MARK4: variants seen among roughly 807,000 people sequenced by gnomAD.
The protein encoded by MARK4 is microtubule affinity regulating kinase 4, also known as MAP/microtubule affinity-regulating kinase 4.
In MARK4, 19 loss-of-function variants were observed where a neutral mutation model predicts 81.5. The ratio of observed to expected loss-of-function variants is 0.23; its 90% CI spans 0.16 to 0.34. The LOEUF (loss-of-function observed/expected upper bound fraction) is 0.34, where lower values mean the gene tolerates loss of function less well. MARK4 is among the 10% of genes least tolerant of loss of function. The pLI, the probability that MARK4 is intolerant of heterozygous loss-of-function variation, is 1.00. For synonymous variants in MARK4, 436 were observed against 439.0 expected (o/e 0.99, Z 0.08); for missense variants, 772 against 1,058.8 (o/e 0.73, Z 3.76).
At chr19:45,265,069 C>T (rs1019783818) in intron 6 of MARK4, among the ~76,000 whole-genome samples, 159 bp downstream of exon 6, 1 of 152,078 alleles carries the variant, frequency 6.6e-6, no homozygotes, top group Admixed American at 6.6e-5. Context: ...CATATAGTTG[C>T]CCAGATGTGA....
chr19:45,260,570 G>A (rs2123032669), intron 2 of MARK4, among the ~76,000 whole-genome samples: 1 of 150,996 alleles, frequency 6.6e-6, no homozygotes, highest in Non-Finnish European at 1.5e-5. Context: ...GGTGGTGCGT[G>A]CCTGTAAGCC....
At position 45,304,529 on chromosome 19, in the gene MARK4, T is replaced by C. The variant is rs1971023084; in HGVS notation, c.*1819T>C. 6.6e-6 allele frequency: 1 copy of C among 152,196 alleles called. No homozygotes were observed. The highest frequency in any genetic ancestry group is 2.4e-5 in the African/African-American group (1 of 41,438). The allele number at this position is 152,196 out of a possible 1,614,324, so 9.4% of individuals were successfully genotyped here. A position where few individuals can be genotyped will look rare whatever the true frequency, so the allele number is the denominator to read the frequency against. ...GGGCCAAAATGAATAAGCTGGACTT[T>C]CTCCCCATGGCACTGGGGAACCATG... On this transcript the variant is annotated 3_prime_UTR_variant, in exon 17 of 17. Coordinates refer to ENST00000262891, the MANE Select transcript of MARK4 (RefSeq NM_001199867.2).
rs1970655878 is a variant in MARK4 at position 45,280,382 on chromosome 19, G to A, written c.1015G>A (p.Val339Met). The A allele has an allele frequency of 6.2e-7, 1 of 1,614,148 alleles. No individual in the cohort carries two copies. The part of the protein sequence containing the change: ...FGDTKRIEVM[V>M]GMGYTREEIK... ...CCATCCCCCCCTCCCAGAGGTGATG[G>A]TGGGTATGGGCTACACACGGGAAGA... The change falls in exon 11 of 17, where the codon GTG becomes ATG. Residue 339 changes from valine (V) to methionine (M), a missense_variant. Transcript: ENST00000262891.
intron 14 of MARK4, among the ~76,000 whole-genome samples, chr19:45,295,358 CA>C (rs888838866): frequency 2.5e-4 from 36 of 143,814 alleles, no homozygotes; most frequent in South Asian, 4.4e-4. Context: ...GACTCCATCT[CA>C]AAAAAAAAAA....
chr19:45,289,183 A>C (rs1233385240), intron 13 of MARK4, among the ~76,000 whole-genome samples: 1 of 151,774 alleles, frequency 6.6e-6, no homozygotes, highest in Non-Finnish European at 1.5e-5. Flanking sequence ...AGGTCAAGAG[A>C]TCGAGACCAC....
In MARK4 at chr19:45,297,908, CCCA is replaced by C; in HGVS notation, c.1838_1840del (p.Thr613del). On this transcript the variant is annotated inframe_deletion, in exon 15 of 17. Transcript: ENST00000262891. ...ACCCCTGCCCGCCGGGCGGCCCCGC[CCCA>C]CCACCAACCTCTTCACCAAGCTGAC... 6.5e-7 allele frequency: 1 copy of C among 1,550,208 alleles called. No individual in the cohort carries two copies. Among genetic ancestry groups the C allele is most frequent in the Middle Eastern group, 1.7e-4 (1 of 5,982 alleles).
intron 16 of MARK4, among the ~76,000 whole-genome samples, chr19:45,301,865 CAAAA>C (rs11309011): frequency 4.8e-5 from 6 of 124,118 alleles, no homozygotes; most frequent in Admixed American, 9.1e-5. Flanking sequence ...AACTCCGTCT[CAAAA>C]AAAAAAAAAA....
chr19:45,298,048 A>G, intron 15 of MARK4, 94 bp downstream of exon 15: 4 of 1,555,612 alleles, frequency 2.6e-6, no homozygotes, highest in Non-Finnish European at 3.5e-6. Context: ...GTACCCCAAC[A>G]TTTCCTCTTC....
chr19:45,292,790 T>C (rs1240972648), intron 13 of MARK4, among the ~76,000 whole-genome samples: 1 of 151,832 alleles, frequency 6.6e-6, no homozygotes, highest in African/African-American at 2.4e-5. Flanking sequence ...AGGATCCACT[T>C]GAGGCCAGGA....
intron 8 of MARK4, 120 bp from the exon 9 acceptor site, chr19:45,277,803 C>G (rs1970617922): frequency 1.6e-6 from 2 of 1,217,116 alleles, no homozygotes; most frequent in Admixed American, 2.9e-5. Flanking sequence ...TCACTTCTAT[C>G]AAAGGGGTTG....
chr19:45,285,261 C>CAA (rs71173139), intron 12 of MARK4, among the ~76,000 whole-genome samples: 755 of 56,660 alleles, frequency 0.013, 19 homozygotes, highest in Non-Finnish European at 0.019. Context: ...TGCCGTGTCT[C>CAA]AAAAAAAAAA....
chr19:45,277,817 C>G (rs1206032996), intron 8 of MARK4, 106 bp from the exon 9 acceptor site: 4 of 1,275,676 alleles, frequency 3.1e-6, no homozygotes, highest in African/African-American at 3.3e-5. Flanking sequence ...GGGGTTGGGA[C>G]AAAGGTTGTG....
At position 45,256,001 on chromosome 19, in the gene MARK4, A is replaced by G. The variant is rs573345606; in HGVS notation, c.52-2988A>G. ...GACAGGACAGTAGGAACAGAACATC[A>G]GGAGGAGAGAAGCCATGGTGTGGGA... On this transcript the variant is annotated intron_variant, in intron 1 of 16. Transcript: ENST00000262891. Among the ~76,000 whole-genome samples, 29 of 152,374 alleles carry G rather than the reference A, an allele frequency of 1.9e-4. 1 individual carries two copies. Among genetic ancestry groups the G allele is most frequent in the African/African-American group, 7.2e-5 (3 of 41,590 alleles).
intron 1 of MARK4, among the ~76,000 whole-genome samples, chr19:45,252,186 C>T (rs950113530): frequency 2.0e-5 from 3 of 152,044 alleles, no homozygotes. Context: ...CTGTGGGCAG[C>T]CCCTGGCAGG....
intron 10 of MARK4, among the ~76,000 whole-genome samples, chr19:45,279,744 C>T (rs1456576729): frequency 6.6e-6 from 1 of 152,150 alleles, no homozygotes; most frequent in Non-Finnish European, 1.5e-5. Context: ...CCTTCAGGCA[C>T]AGTTGTATCC....
intron 1 of MARK4, among the ~76,000 whole-genome samples, chr19:45,256,327 C>G (rs762922568): frequency 9.9e-5 from 15 of 152,180 alleles, no homozygotes; most frequent in Admixed American, 2.0e-4. Flanking sequence ...ATCCCAGCTA[C>G]TCGGGAAAGC....
At chr19:45,279,650 T>G (rs1429528389) in intron 10 of MARK4, among the ~76,000 whole-genome samples, 1 of 152,226 alleles carries the variant, frequency 6.6e-6, no homozygotes, top group Non-Finnish European at 1.5e-5. Flanking sequence ...TGGTTTAAAA[T>G]TGTCAGTACC....
Position 45,282,502 on chromosome 19 carries a change from A to G in MARK4, c.1276+1768A>G, listed in dbSNP as rs192883136. ...GAGCCCAGGAGTTCTAGACCAGCCT[A>G]GGCAACATAGCAAGACCCCGTCTCT... On this transcript the variant is annotated intron_variant, in intron 12 of 16. Coordinates refer to ENST00000262891, the MANE Select transcript of MARK4 (RefSeq NM_001199867.2). Among the ~76,000 whole-genome samples, 5 of 150,494 alleles carry G rather than the reference A, an allele frequency of 3.3e-5. No homozygotes were observed. The East Asian group carries it at 7.9e-4, about 24-fold the overall frequency.
chr19:45,289,222 A>T (rs994892068), intron 13 of MARK4, among the ~76,000 whole-genome samples: 3 of 151,912 alleles, frequency 2.0e-5, no homozygotes, highest in African/African-American at 7.2e-5. Flanking sequence ...CCCCATCTAT[A>T]CTAAAAATAC....
Sources: allele counts gnomAD v4.1 joint callset (sites outside exome capture counted in the v4.1 genomes callset), GRCh38; gene constraint gnomAD v4.1.1; transcripts MANE v1.5; gene names NCBI Gene and HGNC (gene_info 2026-07-23, HGNC 2026-07-21).